NAALADL2: variants seen among roughly 807,000 people sequenced by gnomAD.
NAALADL2 encodes N-acetylated alpha-linked acidic dipeptidase like 2.
In NAALADL2, 76 loss-of-function variants were observed where a neutral mutation model predicts 87.2. The observed-to-expected ratio is 0.87, with a 90% CI of 0.72 to 1.05. The LOEUF (loss-of-function observed/expected upper bound fraction) is 1.05, where lower values mean the gene tolerates loss of function less well. Ranked by LOEUF, NAALADL2 falls within the 50% of genes least tolerant of loss-of-function variation. The pLI is 0.00. For missense variants in NAALADL2, 1,089 were observed against 945.8 expected (o/e 1.15, Z -1.99); for synonymous variants, 354 against 331.0 (o/e 1.07, Z -0.75).
At chr3:175,467,834 A>G (rs1724312258) in intron 8 of NAALADL2, among the ~76,000 whole-genome samples, 1 of 152,168 alleles carries the variant, frequency 6.6e-6, no homozygotes, top group South Asian at 2.1e-4. Context: ...TTAAGTCTCA[A>G]ACTCTTCTGA....
intron 9 of NAALADL2, among the ~76,000 whole-genome samples, chr3:175,508,611 C>A (rs925922779): frequency 3.9e-5 from 6 of 152,052 alleles, no homozygotes; most frequent in African/African-American, 1.4e-4. Context: ...TTTTCTTTTC[C>A]TCTTGCTTAT....
intron 9 of NAALADL2, among the ~76,000 whole-genome samples, chr3:175,504,154 C>A (rs1430009213): frequency 4.6e-5 from 7 of 152,214 alleles, no homozygotes; most frequent in African/African-American, 1.7e-4. Flanking sequence ...AGCCAGTTAT[C>A]CCAATACTTT....
chr3:175,555,669 A>G (rs1715150172), intron 9 of NAALADL2, among the ~76,000 whole-genome samples: 1 of 152,226 alleles, frequency 6.6e-6, no homozygotes, highest in African/African-American at 2.4e-5. Context: ...ATTATAAAAT[A>G]TGAAAATATA....
At chr3:174,855,958 A>G (rs1560290822), upstream of NAALADL2, among the ~76,000 whole-genome samples, 1 of 120,858 alleles carries the variant, frequency 8.3e-6, no homozygotes, top group Non-Finnish European at 1.6e-5. Flanking sequence ...ATATGAATAT[A>G]TGTGTATGTG....
intron 1 of NAALADL2, among the ~76,000 whole-genome samples, chr3:174,448,116 T>C (rs942700185): frequency 6.6e-5 from 10 of 152,226 alleles, no homozygotes; most frequent in Non-Finnish European, 1.5e-4. Context: ...CATTTCCCTC[T>C]TCTCATTTTT....
chr3:174,923,575 CTTTGA>C lies in NAALADL2; in HGVS notation c.43+64129_43+64133del, dbSNP rs374523450. Among the ~76,000 whole-genome samples the C allele has an allele frequency of 2.9e-3, 445 of 152,134 alleles. 3 individuals carry two copies. The highest frequency in any genetic ancestry group is 9.9e-3 in the African/African-American group (413 of 41,518). On this transcript the variant is annotated intron_variant, in intron 1 of 13. Transcript: ENST00000454872. The stretch of plus-strand genomic sequence containing the variant: ...AGGAGAAGCAGGATTTGCATAGTAT[CTTTGA>C]TTTTTTAGAACAAGTAAAATAATTT...
At chr3:175,726,592 A>G (rs987162428) in intron 11 of NAALADL2, among the ~76,000 whole-genome samples, 1 of 152,128 alleles carries the variant, frequency 6.6e-6, no homozygotes, top group African/African-American at 2.4e-5. Context: ...GCTGTGGTAC[A>G]CTACTGTGTG....
At chr3:174,887,120 G>A (rs1046346452) in intron 1 of NAALADL2, among the ~76,000 whole-genome samples, 1 of 152,142 alleles carries the variant, frequency 6.6e-6, no homozygotes, top group African/African-American at 2.4e-5. Context: ...TCTACAGCCT[G>A]ATTTCCTTTG....
intron 9 of NAALADL2, among the ~76,000 whole-genome samples, chr3:175,547,252 A>G (rs1255950715): frequency 6.6e-6 from 1 of 152,086 alleles, no homozygotes; most frequent in Non-Finnish European, 1.5e-5. Flanking sequence ...AGAACCCAGA[A>G]ATAAGACTGT....
intron 2 of NAALADL2, among the ~76,000 whole-genome samples, chr3:174,603,323 A>C (rs1038592362): frequency 2.6e-5 from 4 of 151,734 alleles, no homozygotes; most frequent in African/African-American, 9.7e-5. Flanking sequence ...GGATTTCTTC[A>C]TGGTTTCATC....
At chr3:175,450,973 A>G (rs981281993) in intron 6 of NAALADL2, among the ~76,000 whole-genome samples, 62 of 152,138 alleles carry the variant, frequency 4.1e-4, no homozygotes, top group Non-Finnish European at 1.2e-4. Flanking sequence ...AAGTCAACAT[A>G]GGAAGGGGTC....
At chr3:174,803,907 G>T (rs551227546) in intron 3 of NAALADL2, among the ~76,000 whole-genome samples, 10 of 152,254 alleles carry the variant, frequency 6.6e-5, no homozygotes, top group Admixed American at 6.5e-4. Flanking sequence ...GTAGCGTGAT[G>T]CCTCTAGCTT....
At chr3:174,548,648 G>T (rs1301320192) in intron 1 of NAALADL2, among the ~76,000 whole-genome samples, 2 of 151,984 alleles carry the variant, frequency 1.3e-5, no homozygotes, top group Non-Finnish European at 2.9e-5. Flanking sequence ...ATCTGTGAAC[G>T]GTGCTAACAG....
chr3:174,986,278 A>T (rs1029414770), intron 1 of NAALADL2, among the ~76,000 whole-genome samples: 3 of 147,778 alleles, frequency 2.0e-5, no homozygotes, highest in South Asian at 2.1e-4. Flanking sequence ...TATATATATA[A>T]AATATATACA....
chr3:175,364,516 T>C (rs960569896), intron 5 of NAALADL2, among the ~76,000 whole-genome samples: 5 of 147,818 alleles, frequency 3.4e-5, no homozygotes, highest in African/African-American at 1.2e-4. Context: ...TTTTAAATTC[T>C]TGTTTAAATT....
intron 3 of NAALADL2, among the ~76,000 whole-genome samples, chr3:174,739,626 G>A (rs1733571171): frequency 1.3e-5 from 2 of 152,006 alleles, no homozygotes; most frequent in Admixed American, 1.3e-4. Flanking sequence ...CCATGTGTTA[G>A]TAGAAGCTGT....
chr3:174,742,498 A>G (rs1488177122), intron 3 of NAALADL2, among the ~76,000 whole-genome samples: 1 of 151,780 alleles, frequency 6.6e-6, no homozygotes, highest in Non-Finnish European at 1.5e-5. Flanking sequence ...AAGTCAACCT[A>G]TAACAAATAA....
intron 11 of NAALADL2, 143 bp from the exon 12 acceptor site, chr3:175,737,161 GAA>G (rs1306014612): frequency 1.8e-6 from 1 of 546,822 alleles, no homozygotes; most frequent in Non-Finnish European, 3.2e-6. Flanking sequence ...AGATTTAAAA[GAA>G]AAAGAGATTT....
At chr3:174,934,540 G>C (rs547626735) in intron 1 of NAALADL2, among the ~76,000 whole-genome samples, 2 of 152,020 alleles carry the variant, frequency 1.3e-5, no homozygotes, top group African/African-American at 4.8e-5. Flanking sequence ...TGCCGAGCGC[G>C]GTGGGTCATG....
Sources: gnomAD v4.1 joint callset for allele counts (sites outside exome capture counted in the v4.1 genomes callset) on GRCh38, gnomAD v4.1.1 for gene constraint, MANE v1.5 for transcripts, NCBI Gene and HGNC (gene_info 2026-07-23, HGNC 2026-07-21) for gene names.